The following HIP1 variants were observed in gnomAD, a reference collection of about 807,000 sequenced individuals.
The protein encoded by HIP1 is huntingtin-interacting protein 1.
HIP1 carries 65 observed loss-of-function variants against 147.6 expected under a neutral mutation model. The ratio of observed to expected loss-of-function variants is 0.44; its 90% CI spans 0.36 to 0.54. The LOEUF is 0.54. Among genes scored for constraint, HIP1 ranks in the 20% least tolerant of loss-of-function variants. The probability of loss-of-function intolerance (pLI) is 0.00; values close to 1 mark genes in which losing one functional copy is unlikely to be tolerated. For missense variants in HIP1, 1,061 were observed against 1,299.6 expected (o/e 0.82, Z 2.82); for synonymous variants, 479 against 504.0 (o/e 0.95, Z 0.67).
At chr7:75,617,169 G>A (rs966478544) in intron 1 of HIP1, among the ~76,000 whole-genome samples, 20 of 148,376 alleles carry the variant, frequency 1.3e-4, no homozygotes, top group Admixed American at 4.2e-4. Context: ...CCGCCTCCCC[G>A]GCTCAAGCGA....
intron 1 of HIP1, among the ~76,000 whole-genome samples, chr7:75,612,056 C>T (rs1222796184): frequency 3.3e-5 from 5 of 152,248 alleles, no homozygotes; most frequent in African/African-American, 9.6e-5. Flanking sequence ...GGCAGAAGCC[C>T]AGCCCTCGGG....
At chr7:75,698,623 G>A (rs1211025561) in intron 1 of HIP1, among the ~76,000 whole-genome samples, 1 of 152,054 alleles carries the variant, frequency 6.6e-6, no homozygotes, top group Non-Finnish European at 1.5e-5. Context: ...TTGGAGGCCA[G>A]CCTGGGCAAC....
chr7:75,715,458 CAGAGAGAGAG>C (rs1164089551), intron 1 of HIP1, among the ~76,000 whole-genome samples: 2 of 106,602 alleles, frequency 1.9e-5, no homozygotes, highest in African/African-American at 6.6e-5. Context: ...GAGACACACA[CAGAGAGAGAG>C]AGAGAGAGAG....
In HIP1 at chr7:75,582,067, C is replaced by A. The variant is rs1554498706; in HGVS notation, c.542+8G>T. 1.2e-6 allele frequency: 2 copies of A among 1,611,880 alleles called. No individual in the cohort carries two copies. The highest frequency in any genetic ancestry group is 8.5e-7 in the Non-Finnish European group (1 of 1,178,338). ...TCCCTCCCTGGGCTCAGGGCAGGAGCCACTTACAAGTTGTTCACGTCACTT... is the reference window on the plus strand; with the variant it reads ...TCCCTCCCTGGGCTCAGGGCAGGAGACACTTACAAGTTGTTCACGTCACTT... On this transcript the variant is annotated splice_region_variant and intron_variant, in intron 6 of 30. Transcript: ENST00000336926.
At position 75,649,304 on chromosome 7, in the gene HIP1, G is replaced by A. The variant is rs973431696; in HGVS notation, c.121-50057C>T. 2.6e-5 allele frequency among the ~76,000 whole-genome samples: 4 copies of A among 152,306 alleles called. No individual in the cohort carries two copies. In the East Asian group the frequency reaches 5.8e-4, roughly 22 times the overall value. On this transcript the variant is annotated intron_variant, in intron 1 of 30. Coordinates refer to ENST00000336926, the MANE Select transcript of HIP1 (RefSeq NM_005338.7). Reference sequence around the variant, plus strand: ...CTCCCAAAGTGCTGGGATTACAGGCGTGAGCCACTGCAGCTGGTCTGGAAC... The same window carrying A: ...CTCCCAAAGTGCTGGGATTACAGGCATGAGCCACTGCAGCTGGTCTGGAAC...
At chr7:75,588,339 TGC>T in intron 4 of HIP1, among the ~76,000 whole-genome samples, 1 of 151,984 alleles carries the variant, frequency 6.6e-6, no homozygotes, top group African/African-American at 2.4e-5. Flanking sequence ...ATGGGCAAAA[TGC>T]ACCAAAAGGG....
In HIP1 at chr7:75,664,037, T is replaced by C. The variant is rs372101960; in HGVS notation, c.121-64790A>G. Among the ~76,000 whole-genome samples, 44 of 78,756 alleles carry C rather than the reference T, an allele frequency of 5.6e-4. 4 individuals carry two copies. Among genetic ancestry groups the C allele is most frequent in the Admixed American group, 7.4e-4 (5 of 6,730 alleles). 51.7% of individuals were successfully genotyped at this position (78,756 alleles called of 152,430 possible). On this transcript the variant is annotated intron_variant, in intron 1 of 30. Coordinates refer to ENST00000336926, the MANE Select transcript of HIP1 (RefSeq NM_005338.7). ...ATATACACATATATGTGTATATATA[T>C]ACACATATATGTGTATATACACATA... is the stretch of plus-strand genomic sequence containing the variant.
In HIP1 at chr7:75,538,209, G is replaced by A. The variant is rs782186865; in HGVS notation, c.3077C>T (p.Pro1026Leu). 3 of 1,612,918 alleles carry A rather than the reference G, an allele frequency of 1.9e-6. No individual in the cohort carries two copies. Among genetic ancestry groups the A allele is most frequent in the Non-Finnish European group, 2.5e-6 (3 of 1,179,040 alleles). The change falls in exon 31 of 31, where the codon CCA becomes CTA. Residue 1026 changes from proline (P) to leucine (L), a missense_variant. Coordinates refer to ENST00000336926, the MANE Select transcript of HIP1 (RefSeq NM_005338.7). ...EGWEEGTEAS[P>L]PTLQEVVTEK... The stretch of plus-strand genomic sequence containing the variant: ...GGTTACCACTTCTTGCAGTGTAGGT[G>A]GAGATGCCTCTGTTCCTAAAAGACA...
chr7:75,738,697 G>C, intron 1 of HIP1, 104 bp downstream of exon 1: 2 of 1,341,284 alleles, frequency 1.5e-6, no homozygotes. Context: ...CCCTCGCCCC[G>C]TCTTCAACTG....
intron 1 of HIP1, among the ~76,000 whole-genome samples, chr7:75,642,586 T>G (rs1798682832): frequency 6.6e-6 from 1 of 152,190 alleles, no homozygotes; most frequent in African/African-American, 2.4e-5. Context: ...CTCAATGCTA[T>G]AGACATATCT....
At chr7:75,660,223 A>G (rs1799269823) in intron 1 of HIP1, among the ~76,000 whole-genome samples, 1 of 148,786 alleles carries the variant, frequency 6.7e-6, no homozygotes, top group Admixed American at 6.6e-5. Context: ...TGGTAAAAAA[A>G]AAAAAAAAAA....
chr7:75,545,031 G>T, intron 26 of HIP1, 57 bp downstream of exon 26: 1 of 1,036,014 alleles, frequency 9.7e-7, no homozygotes, highest in Non-Finnish European at 1.5e-6. Flanking sequence ...CTATTGTTTG[G>T]AGTGGATCAA....
intron 18 of HIP1, 97 bp from the exon 19 acceptor site, chr7:75,555,648 C>A: frequency 1.5e-6 from 2 of 1,353,542 alleles, no homozygotes; most frequent in South Asian, 2.5e-5. Context: ...TAGCTCAAGT[C>A]ATGGCCAATG....
intron 28 of HIP1, 127 bp downstream of exon 28, chr7:75,542,724 A>T: frequency 1.0e-6 from 1 of 963,936 alleles, no homozygotes; most frequent in Non-Finnish European, 1.5e-6. Context: ...GAAAAAATAA[A>T]ATAAAAAGAT....
At chr7:75,681,243 A>G (rs1800054578) in intron 1 of HIP1, among the ~76,000 whole-genome samples, 1 of 152,060 alleles carries the variant, frequency 6.6e-6, no homozygotes, top group Admixed American at 6.6e-5. Flanking sequence ...CAGGGCACCA[A>G]TGCCCTGTGC....
chr7:75,566,816 T>A (rs1173397023), intron 9 of HIP1, among the ~76,000 whole-genome samples: 1 of 151,200 alleles, frequency 6.6e-6, no homozygotes, highest in African/African-American at 2.5e-5. Flanking sequence ...GCAGTATTTG[T>A]TGAGATAGAA....
At chr7:75,648,314 G>A (rs1016402184) in intron 1 of HIP1, among the ~76,000 whole-genome samples, 8 of 152,052 alleles carry the variant, frequency 5.3e-5, no homozygotes, top group Admixed American at 1.3e-4. Context: ...GGGCTGATTG[G>A]AGTAGCTGGG....
intron 1 of HIP1, chr7:75,626,632 G>C (rs1334780369): frequency 2.0e-5 from 3 of 152,320 alleles, no homozygotes; most frequent in East Asian, 1.9e-4. Context: ...AGTGGAAACT[G>C]GTTTTGAACC....
At chr7:75,728,787 C>CAAAAAAAA (rs782634244) in intron 1 of HIP1, among the ~76,000 whole-genome samples, 1 of 62,776 alleles carries the variant, frequency 1.6e-5, no homozygotes, top group Non-Finnish European at 3.2e-5. Context: ...GACTCTGTCT[C>CAAAAAAAA]AAAAAAAAAA....
Sources: allele counts gnomAD v4.1 joint callset (sites outside exome capture counted in the v4.1 genomes callset), GRCh38; gene constraint gnomAD v4.1.1; transcripts MANE v1.5; gene names NCBI Gene and HGNC (gene_info 2026-07-23, HGNC 2026-07-21).